The following CNTN5 variants were observed in gnomAD, a reference collection of about 807,000 sequenced individuals.
The protein encoded by CNTN5 is contactin 5.
Under a neutral mutation model 129.1 loss-of-function variants are expected in CNTN5, and 77 were observed. The observed-to-expected ratio is 0.60, with a 90% CI of 0.50 to 0.72. CNTN5 has a LOEUF of 0.72. CNTN5 is among the 30% of genes least tolerant of loss of function. The pLI is 0.00. For missense variants in CNTN5, 1,478 were observed against 1,328.8 expected (o/e 1.11, Z -1.75); for synonymous variants, 509 against 465.6 (o/e 1.09, Z -1.20).
At chr11:99,233,382 G>A (rs1253320376) in intron 1 of CNTN5, among the ~76,000 whole-genome samples, 1 of 152,134 alleles carries the variant, frequency 6.6e-6, no homozygotes, top group Non-Finnish European at 1.5e-5. Flanking sequence ...ATTTTCAAAA[G>A]CATATTATGT....
intron 3 of CNTN5, among the ~76,000 whole-genome samples, chr11:99,757,464 T>G (rs940022454): frequency 6.6e-6 from 1 of 151,994 alleles, no homozygotes; most frequent in African/African-American, 2.4e-5. Context: ...TCATTTTAAC[T>G]TGATTATATC....
intron 9 of CNTN5, among the ~76,000 whole-genome samples, chr11:100,038,009 G>A (rs185415520): frequency 0.014 from 2,066 of 152,010 alleles, 47 homozygotes; most frequent in African/African-American, 0.046. Context: ...CCTTCTGCTA[G>A]CTTTTGAATG....
intron 3 of CNTN5, among the ~76,000 whole-genome samples, chr11:99,558,030 C>G (rs1948728925): frequency 6.6e-6 from 1 of 151,538 alleles, no homozygotes; most frequent in Non-Finnish European, 1.5e-5. Context: ...AAGAGACATG[C>G]AAGGAAAAAG....
Position 99,192,604 on chromosome 11 carries a change from A to G in CNTN5, c.-209-132742A>G, listed in dbSNP as rs149924353. On this transcript the variant is annotated intron_variant, in intron 1 of 24. Coordinates refer to ENST00000524871, the MANE Select transcript of CNTN5 (RefSeq NM_014361.4). ...CCTTTTGAAAATTTCAAAAAATTAA[A>G]TATCTGTCATTCAGACTTAAAGAAT... Among the ~76,000 whole-genome samples, 756 of 152,114 alleles carry G rather than the reference A, an allele frequency of 5.0e-3. 3 individuals carry two copies. The highest frequency in any genetic ancestry group is 0.017 in the African/African-American group (726 of 41,576).
chr11:99,185,198 A>G (rs1940483), intron 1 of CNTN5, among the ~76,000 whole-genome samples: 139,458 of 151,868 alleles, frequency 0.92, 64,124 homozygotes, highest in East Asian at 1. Context: ...ATTTGGAAGG[A>G]TATTGTGTAG....
intron 3 of CNTN5, among the ~76,000 whole-genome samples, chr11:99,729,787 A>C (rs1943468534): frequency 6.6e-6 from 1 of 152,124 alleles, no homozygotes; most frequent in South Asian, 2.1e-4. Context: ...TCCTCAGCAA[A>C]CTAACACAGG....
intron 13 of CNTN5, among the ~76,000 whole-genome samples, chr11:100,151,037 T>C (rs1947036062): frequency 6.6e-6 from 1 of 152,072 alleles, no homozygotes; most frequent in Admixed American, 6.6e-5. Context: ...AGGAGCCACA[T>C]TTTCTGGCAC....
At chr11:99,492,837 T>C (rs369713540) in intron 2 of CNTN5, among the ~76,000 whole-genome samples, 1 of 152,100 alleles carries the variant, frequency 6.6e-6, no homozygotes, top group African/African-American at 2.4e-5. Flanking sequence ...AAAATGGATA[T>C]GGTCTAATGG....
intron 3 of CNTN5, among the ~76,000 whole-genome samples, chr11:99,621,815 C>T (rs1950960668): frequency 6.6e-6 from 1 of 152,104 alleles, no homozygotes; most frequent in South Asian, 2.1e-4. Context: ...TTATATTTGC[C>T]CACATAAGTC....
chr11:99,535,727 T>TA (rs1390428241), intron 2 of CNTN5, among the ~76,000 whole-genome samples: 1 of 152,140 alleles, frequency 6.6e-6, no homozygotes, highest in Non-Finnish European at 1.5e-5. Context: ...TGAACAAAAA[T>TA]ACAGCAAAAT....
chr11:99,238,703 G>A (rs1304883018), intron 1 of CNTN5, among the ~76,000 whole-genome samples: 1 of 152,040 alleles, frequency 6.6e-6, no homozygotes, highest in Non-Finnish European at 1.5e-5. Context: ...TCCAAGAATA[G>A]CATGTTTCTT....
intron 2 of CNTN5, among the ~76,000 whole-genome samples, chr11:99,327,351 T>A (rs953846945): frequency 6.6e-6 from 1 of 152,172 alleles, no homozygotes; most frequent in African/African-American, 2.4e-5. Context: ...GTGCATTCTA[T>A]CAATTACCAA....
At chr11:100,226,751 TG>T (rs35355346) in intron 16 of CNTN5, among the ~76,000 whole-genome samples, 8,380 of 152,256 alleles carry the variant, frequency 0.055, 759 homozygotes, top group African/African-American at 0.19. Context: ...CTAAGAGTTC[TG>T]GTTCTCTTTT....
intron 2 of CNTN5, among the ~76,000 whole-genome samples, chr11:99,435,335 A>G (rs113554949): frequency 6.9e-4 from 105 of 152,270 alleles, no homozygotes; most frequent in African/African-American, 2.4e-3. Flanking sequence ...GCTCAAGAAT[A>G]TTCTGCAGCT....
intron 9 of CNTN5, among the ~76,000 whole-genome samples, chr11:100,021,201 CTT>C (rs1236939132): frequency 6.6e-6 from 1 of 151,994 alleles, no homozygotes; most frequent in African/African-American, 2.4e-5. Context: ...GATTTAAACT[CTT>C]TAAATGTATT....
At chr11:99,557,067 A>G (rs997605294) in intron 3 of CNTN5, among the ~76,000 whole-genome samples, 1 of 151,438 alleles carries the variant, frequency 6.6e-6, no homozygotes, top group Admixed American at 6.6e-5. Flanking sequence ...TTTAGGTAGT[A>G]TGTATGGTAA....
intron 1 of CNTN5, among the ~76,000 whole-genome samples, chr11:99,135,716 T>C (rs561594538): frequency 1.7e-4 from 26 of 152,314 alleles, no homozygotes; most frequent in South Asian, 4.1e-4. Flanking sequence ...ATTGCTGACA[T>C]TGTATTTTAT....
At chr11:99,409,408 C>T (rs1259891246) in intron 2 of CNTN5, among the ~76,000 whole-genome samples, 2 of 152,176 alleles carry the variant, frequency 1.3e-5, no homozygotes, top group Non-Finnish European at 1.5e-5. Flanking sequence ...ATGGAGCTTG[C>T]AGCAAGCAAA....
chr11:99,279,331 C>A (rs1020987007), intron 1 of CNTN5, among the ~76,000 whole-genome samples: 2 of 151,760 alleles, frequency 1.3e-5, no homozygotes, highest in African/African-American at 4.8e-5. Flanking sequence ...TCATTAGAAA[C>A]TTAGGTTGCT....
Sources: allele counts gnomAD v4.1 joint callset (sites outside exome capture counted in the v4.1 genomes callset), GRCh38; gene constraint gnomAD v4.1.1; transcripts MANE v1.5; gene names NCBI Gene and HGNC (gene_info 2026-07-23, HGNC 2026-07-21).